SSU72: variants seen among roughly 807,000 people sequenced by gnomAD.
The protein encoded by SSU72 is SSU72 homolog, RNA polymerase II CTD phosphatase, also known as RNA polymerase II subunit A C-terminal domain phosphatase SSU72.
In SSU72, 12 loss-of-function variants were observed where a neutral mutation model predicts 22.7. That is an observed-to-expected ratio of 0.53 (90% CI 0.34 to 0.86). The LOEUF (loss-of-function observed/expected upper bound fraction) is 0.86, where lower values mean the gene tolerates loss of function less well. SSU72 is among the 40% of genes least tolerant of loss of function. SSU72 has a pLI of 0.02. For synonymous variants in SSU72, 116 were observed against 98.3 expected (o/e 1.18, Z -1.06); for missense variants, 151 against 249.8 (o/e 0.60, Z 2.67).
intron 2 of SSU72, among the ~76,000 whole-genome samples, chr1:1,553,692 A>G (rs3930748): frequency 0.51 from 77,184 of 149,902 alleles, 24,238 homozygotes; most frequent in East Asian, 0.86. Context: ...TCGGGAGGCC[A>G]AGGCAGGAGA....
At chr1:1,565,017 T>C (rs1642640890) in intron 1 of SSU72, 101 bp from the exon 2 acceptor site, 7 of 1,440,718 alleles carry the variant, frequency 4.9e-6, no homozygotes, top group Admixed American at 2.4e-5. Context: ...AGTAATTTCA[T>C]TGGCTCATAG....
At chr1:1,550,419 AC>A (rs1642442127) in intron 2 of SSU72, among the ~76,000 whole-genome samples, 2 of 152,390 alleles carry the variant, frequency 1.3e-5, no homozygotes, top group African/African-American at 4.8e-5. Context: ...TTTTCAGCAG[AC>A]ATGAGTTTAA....
chr1:1,553,639 A>AAT (rs1642480998), intron 2 of SSU72, among the ~76,000 whole-genome samples: 2 of 130,494 alleles, frequency 1.5e-5, no homozygotes, highest in Admixed American at 7.3e-5. Flanking sequence ...AAAAAAAAAA[A>AAT]AATTAGCCGG....
At position 1,543,825 on chromosome 1, in the gene SSU72, C is replaced by T. The variant is rs745705446; in HGVS notation, c.483+44G>A. The T allele has an allele frequency of 3.3e-6, 5 of 1,517,538 alleles. No individual in the cohort carries two copies. The African/African-American group carries it at 6.9e-5, about 21-fold the overall frequency. 94.0% of individuals were successfully genotyped at this position (1,517,538 alleles called of 1,614,324 possible). On this transcript the variant is annotated intron_variant, in intron 4 of 4. Coordinates refer to ENST00000291386, the MANE Select transcript of SSU72 (RefSeq NM_014188.3). ...CTGTCACGGCCTCGGTCACTCCCCT[C>T]TGTCACAACCTCTGCCCAGCGCGGC... is the stretch of plus-strand genomic sequence containing the variant.
At chr1:1,565,170 A>G (rs1460683336) in intron 1 of SSU72, among the ~76,000 whole-genome samples, 1 of 151,772 alleles carries the variant, frequency 6.6e-6, no homozygotes, top group Non-Finnish European at 1.5e-5. Flanking sequence ...GCAGGAGATC[A>G]AGACCATCCT....
chr1:1,568,347 C>A (rs1642687024), intron 1 of SSU72, among the ~76,000 whole-genome samples: 2 of 152,120 alleles, frequency 1.3e-5, no homozygotes, highest in South Asian at 4.1e-4. Context: ...AATCCCAGCA[C>A]TTTGGGAGAC....
At chr1:1,559,400 G>A (rs1642558275) in intron 2 of SSU72, among the ~76,000 whole-genome samples, 1 of 152,160 alleles carries the variant, frequency 6.6e-6, no homozygotes, top group Non-Finnish European at 1.5e-5. Flanking sequence ...TGAATGTCCT[G>A]AAACCCACAG....
At chr1:1,553,104 A>T (rs1320052390) in intron 2 of SSU72, among the ~76,000 whole-genome samples, 1 of 152,026 alleles carries the variant, frequency 6.6e-6, no homozygotes, top group Non-Finnish European at 1.5e-5. Flanking sequence ...ACAAAACCAG[A>T]CTAAACCCGA....
At chr1:1,557,085 T>A (rs563808255) in intron 2 of SSU72, among the ~76,000 whole-genome samples, 1 of 152,056 alleles carries the variant, frequency 6.6e-6, no homozygotes, top group Non-Finnish European at 1.5e-5. Flanking sequence ...CACATTCATT[T>A]GTTTGACAAA....
At chr1:1,564,463 A>AT in intron 2 of SSU72, 1 of 1,470,734 alleles carries the variant, frequency 6.8e-7, no homozygotes, top group Non-Finnish European at 9.0e-7. Flanking sequence ...AAGCAATGGG[A>AT]TTTTGTGGGT....
At chr1:1,548,935 T>C (rs1642424465) in intron 2 of SSU72, among the ~76,000 whole-genome samples, 1 of 152,116 alleles carries the variant, frequency 6.6e-6, no homozygotes, top group South Asian at 2.1e-4. Flanking sequence ...CCTCCCCCGG[T>C]GTGTGGCTGC....
chr1:1,564,609 G>A, intron 2 of SSU72, 164 bp downstream of exon 2: 1 of 1,612,670 alleles, frequency 6.2e-7, no homozygotes, highest in Non-Finnish European at 8.5e-7. Flanking sequence ...ACTAACCCGT[G>A]GACGATCCGA....
intron 2 of SSU72, among the ~76,000 whole-genome samples, chr1:1,559,591 T>G (rs1003103970): frequency 3.3e-5 from 5 of 152,062 alleles, no homozygotes; most frequent in African/African-American, 1.2e-4. Context: ...ACTACTACTA[T>G]TATTACTACC....
chr1:1,573,120 C>T (rs1391155495), intron 1 of SSU72, among the ~76,000 whole-genome samples: 2 of 151,472 alleles, frequency 1.3e-5, no homozygotes, highest in Non-Finnish European at 2.9e-5. Context: ...GAAGCTCCGT[C>T]TCTACTAAAA....
chr1:1,558,004 C>A (rs1413015854), intron 2 of SSU72, among the ~76,000 whole-genome samples: 1 of 151,824 alleles, frequency 6.6e-6, no homozygotes, highest in African/African-American at 2.4e-5. Context: ...GAGGTCAGGA[C>A]CAGCCTGGCC....
chr1:1,550,821 C>T (rs904041508), intron 2 of SSU72, among the ~76,000 whole-genome samples: 1 of 152,192 alleles, frequency 6.6e-6, no homozygotes, highest in Non-Finnish European at 1.5e-5. Context: ...AGGAAGGCTG[C>T]ACCCACCACT....
At chr1:1,545,089 C>T in intron 2 of SSU72, 87 bp from the exon 3 acceptor site, 1 of 1,505,960 alleles carries the variant, frequency 6.6e-7, no homozygotes, top group South Asian at 1.3e-5. Flanking sequence ...CCAGCCCCTT[C>T]CCTGCCCCAC....
At chr1:1,562,052 T>C (rs1251415032) in intron 2 of SSU72, 1 of 152,258 alleles carries the variant, frequency 6.6e-6, no homozygotes, top group Non-Finnish European at 1.5e-5. Flanking sequence ...GACACTGGGC[T>C]CAGCTCCTTC....
chr1:1,547,354 A>G (rs1252788559), intron 2 of SSU72, among the ~76,000 whole-genome samples: 1 of 152,204 alleles, frequency 6.6e-6, no homozygotes, highest in African/African-American at 2.4e-5. Flanking sequence ...TCAACTATTT[A>G]TGTAGATGAG....
Sources: allele counts gnomAD v4.1 joint callset (sites outside exome capture counted in the v4.1 genomes callset), GRCh38; gene constraint gnomAD v4.1.1; transcripts MANE v1.5; gene names NCBI Gene and HGNC (gene_info 2026-07-23, HGNC 2026-07-21).